The following MUSK variants were observed in gnomAD, a reference collection of about 807,000 sequenced individuals.
MUSK encodes the protein muscle associated receptor tyrosine kinase, also known as muscle, skeletal receptor tyrosine-protein kinase.
Under a neutral mutation model 88.7 loss-of-function variants are expected in MUSK, and 55 were observed. The ratio of observed to expected loss-of-function variants is 0.62; its 90% confidence interval spans 0.50 to 0.78. The LOEUF (loss-of-function observed/expected upper bound fraction) is 0.78. MUSK is among the 30% of genes least tolerant of loss of function. The pLI is 0.00. For missense variants in MUSK, 1,015 were observed against 1,074.3 expected (o/e 0.94, Z 0.77); for synonymous variants, 387 against 391.9 (o/e 0.99, Z 0.15).
At chr9:110,745,983 C>T (rs1375414864) in intron 6 of MUSK, among the ~76,000 whole-genome samples, 1 of 152,190 alleles carries the variant, frequency 6.6e-6, no homozygotes, top group East Asian at 1.9e-4. Flanking sequence ...CTTTCTTCTT[C>T]CTGGCTAGTC....
chr9:110,768,603 T>C (rs369222172), intron 9 of MUSK, among the ~76,000 whole-genome samples: 30 of 152,338 alleles, frequency 2.0e-4, no homozygotes, highest in African/African-American at 7.2e-4. Context: ...TCATAAATGG[T>C]GTAATATTCC....
chr9:110,701,774 AT>A (rs1254151322), intron 5 of MUSK, among the ~76,000 whole-genome samples: 1 of 204 alleles, frequency 4.9e-3, no homozygotes, highest in Non-Finnish European at 7.9e-3. Context: ...ATTTTATTTT[AT>A]TTTATTTTAT....
chr9:110,734,823 T>A (rs1384652866), intron 6 of MUSK, among the ~76,000 whole-genome samples: 4 of 152,148 alleles, frequency 2.6e-5, no homozygotes, highest in Non-Finnish European at 5.9e-5. Flanking sequence ...TCAGCCAGGC[T>A]CTATTCCAAG....
In MUSK at chr9:110,787,745, A is replaced by T. The variant is rs1398742211; in HGVS notation, c.1834A>T (p.Lys612Ter). The T allele has an allele frequency of 1.2e-6, 2 of 1,613,740 alleles. No individual in the cohort carries two copies. Among genetic ancestry groups the T allele is most frequent in the Non-Finnish European group, 1.7e-6 (2 of 1,179,740 alleles). Residue 612 changes from lysine to a stop codon, truncating the protein, a stop_gained, in exon 14 of 15, where the codon AAA becomes TAA. Coordinates refer to ENST00000374448, the MANE Select transcript of MUSK (RefSeq NM_005592.4). LOFTEE classifies it high-confidence loss of function. Reference sequence around the variant, plus strand: ...CACTATGGTGGCAGTAAAGATGCTCAAAGAAGAAGCCTCGGCAGATATGCA... The same window carrying T: ...CACTATGGTGGCAGTAAAGATGCTCTAAGAAGAAGCCTCGGCAGATATGCA... Reference protein sequence around the residue: ...PFTMVAVKMLKEEASADMQAD... With the variant: ...PFTMVAVKML
At chr9:110,675,449 C>G (rs2076013906) in intron 1 of MUSK, among the ~76,000 whole-genome samples, 1 of 107,720 alleles carries the variant, frequency 9.3e-6, no homozygotes, top group Non-Finnish European at 2.0e-5. Context: ...TCTCGATCTC[C>G]TGACCTCGTG....
intron 5 of MUSK, 90 bp from the exon 6 acceptor site, chr9:110,734,161 G>C: frequency 7.1e-7 from 1 of 1,408,792 alleles, no homozygotes; most frequent in Non-Finnish European, 9.7e-7. Flanking sequence ...GCACACAGGG[G>C]AACATGGTCT....
chr9:110,775,481 T>G (rs1178946708), intron 9 of MUSK: 1 of 349,504 alleles, frequency 2.9e-6, no homozygotes, highest in Non-Finnish European at 5.4e-6. Context: ...TATTTGAATA[T>G]GAAGTTGGGA....
At chr9:110,689,720 T>TATATTATATATAAA (rs1479572084) in intron 3 of MUSK, among the ~76,000 whole-genome samples, 1 of 57,038 alleles carries the variant, frequency 1.8e-5, no homozygotes, top group Non-Finnish European at 2.8e-5. Flanking sequence ...ACTATATATG[T>TATATTATATATAAA]TATATATAGT....
intron 9 of MUSK, among the ~76,000 whole-genome samples, chr9:110,773,550 TTC>T (rs538118318): frequency 1.4e-4 from 22 of 152,270 alleles, no homozygotes; most frequent in African/African-American, 4.8e-4. Context: ...AATAAAATAT[TTC>T]TTTTTCTTAA....
At chr9:110,707,657 T>C (rs1254127247) in intron 5 of MUSK, among the ~76,000 whole-genome samples, 1 of 152,184 alleles carries the variant, frequency 6.6e-6, no homozygotes, top group Admixed American at 6.5e-5. Flanking sequence ...CAGTCAGCAA[T>C]TGCTGGTGGG....
In MUSK at chr9:110,717,463, G is replaced by T. The variant is rs1403588101; in HGVS notation, c.629-16788G>T. On this transcript the variant is annotated intron_variant, in intron 5 of 14. Coordinates refer to ENST00000374448, the MANE Select transcript of MUSK (RefSeq NM_005592.4). ...CCCTCATCCTCTGTCACTTTCCTTG[G>T]CATTATCCAAAATTTTATTTATCTT... Among the ~76,000 whole-genome samples, 2 of 149,158 alleles carry T rather than the reference G, an allele frequency of 1.3e-5. 1 individual carries two copies. Among genetic ancestry groups the T allele is most frequent in the African/African-American group, 5.1e-5 (2 of 39,160 alleles).
At position 110,781,186 on chromosome 9, in the gene MUSK, ACTAT is replaced by A. The variant is rs921755337; in HGVS notation, c.1385-3626_1385-3623del. On this transcript the variant is annotated intron_variant, in intron 11 of 14. Coordinates refer to ENST00000374448, the MANE Select transcript of MUSK (RefSeq NM_005592.4). The stretch of plus-strand genomic sequence containing the variant: ...ATATGCTATTACTTCTTTATAGAAT[ACTAT>A]CTCTCTACCCTGACTCCATTCTACT... Among the ~76,000 whole-genome samples, 105 of 152,264 alleles carry A rather than the reference ACTAT, an allele frequency of 6.9e-4. 1 individual carries two copies. Among genetic ancestry groups the A allele is most frequent in the Middle Eastern group, 3.4e-3 (1 of 294 alleles).
intron 9 of MUSK, among the ~76,000 whole-genome samples, chr9:110,773,334 C>A (rs2077610459): frequency 6.6e-6 from 1 of 152,042 alleles, no homozygotes; most frequent in Non-Finnish European, 1.5e-5. Flanking sequence ...CATAATTGTA[C>A]TGAATCTTCC....
intron 7 of MUSK, among the ~76,000 whole-genome samples, chr9:110,756,562 A>G (rs1000871861): frequency 6.6e-6 from 1 of 151,976 alleles, no homozygotes; most frequent in Non-Finnish European, 1.5e-5. Flanking sequence ...AAGACAAAAC[A>G]AATGCTTTCC....
intron 4 of MUSK, among the ~76,000 whole-genome samples, 193 bp from the exon 5 acceptor site, chr9:110,697,132 G>A (rs1206977204): frequency 6.6e-6 from 1 of 150,614 alleles, no homozygotes; most frequent in Non-Finnish European, 1.5e-5. Flanking sequence ...ATAGGACCCT[G>A]GTGAAGATTA....
chr9:110,787,482 G>C (rs1014779732), intron 13 of MUSK, among the ~76,000 whole-genome samples: 1 of 151,084 alleles, frequency 6.6e-6, no homozygotes, highest in African/African-American at 2.4e-5. Flanking sequence ...TGAAATTGTT[G>C]AAAATAACAC....
At chr9:110,726,835 G>C (rs529802216) in intron 5 of MUSK, among the ~76,000 whole-genome samples, 1 of 151,962 alleles carries the variant, frequency 6.6e-6, no homozygotes, top group East Asian at 1.9e-4. Context: ...TGTCCAGCCC[G>C]AAGGCATTCA....
intron 1 of MUSK, among the ~76,000 whole-genome samples, chr9:110,681,072 T>TATATATATTATATAATATATATTATATA (rs1446847846): frequency 3.9e-5 from 1 of 25,450 alleles, no homozygotes; most frequent in Admixed American, 5.7e-4. Context: ...TATATAATAT[T>TATATATATTATATAATATATATTATATA]ATATATATTA....
chr9:110,753,513 A>G (rs72756528), intron 7 of MUSK, among the ~76,000 whole-genome samples: 2 of 151,856 alleles, frequency 1.3e-5, no homozygotes, highest in African/African-American at 4.8e-5. Flanking sequence ...CCCATTCTCA[A>G]TGGCACCAAC....
Sources: allele counts gnomAD v4.1 joint callset (sites outside exome capture counted in the v4.1 genomes callset), GRCh38; gene constraint gnomAD v4.1.1; transcripts MANE v1.5; gene names NCBI Gene and HGNC (gene_info 2026-07-23, HGNC 2026-07-21).